FBXO40: variants seen among roughly 807,000 people sequenced by gnomAD.
The protein encoded by FBXO40 is F-box only protein 40.
FBXO40 carries 50 observed loss-of-function variants against 49.9 expected under a neutral mutation model. The ratio of observed to expected loss-of-function variants is 1.00; its 90% CI spans 0.80 to 1.27. The LOEUF (loss-of-function observed/expected upper bound fraction) is 1.27, where lower values mean the gene tolerates loss of function less well. Ranked by LOEUF, FBXO40 falls within the 50% of genes most tolerant of loss-of-function variation. FBXO40 has a pLI of 0.00. For missense variants in FBXO40, 895 were observed against 870.1 expected, an observed-to-expected ratio of 1.03 and a Z score of -0.36; for synonymous variants, 340 against 320.2, an observed-to-expected ratio of 1.06 and a Z score of -0.66.
At chr3:121,604,366 A>G (rs986724112) in intron 1 of FBXO40, among the ~76,000 whole-genome samples, 3 of 152,242 alleles carry the variant, frequency 2.0e-5, no homozygotes, top group Admixed American at 2.0e-4. Flanking sequence ...AGTACCATAC[A>G]TTGTGAATTA....
At chr3:121,616,668 A>G (rs1371004378) in intron 1 of FBXO40, among the ~76,000 whole-genome samples, 1 of 152,212 alleles carries the variant, frequency 6.6e-6, no homozygotes, top group Non-Finnish European at 1.5e-5. Flanking sequence ...CCTTATGCTC[A>G]CTTACTGGCA....
chr3:121,593,748 A>G (rs1197460835), intron 1 of FBXO40, among the ~76,000 whole-genome samples: 1 of 152,168 alleles, frequency 6.6e-6, no homozygotes, highest in Non-Finnish European at 1.5e-5. Flanking sequence ...TTCTTCTATA[A>G]TCAACAAGAG....
intron 1 of FBXO40, among the ~76,000 whole-genome samples, chr3:121,609,509 G>A (rs1354509812): frequency 6.6e-6 from 1 of 151,956 alleles, no homozygotes; most frequent in Non-Finnish European, 1.5e-5. Flanking sequence ...GAACTGTCCA[G>A]GTTAGTTGTG....
intron 1 of FBXO40, among the ~76,000 whole-genome samples, chr3:121,611,989 C>T (rs2048968766): frequency 6.6e-6 from 1 of 152,350 alleles, no homozygotes; most frequent in African/African-American, 2.4e-5. Context: ...AAATTAACAA[C>T]ATCTCAGCAA....
At chr3:121,608,101 G>A (rs988592079) in intron 1 of FBXO40, among the ~76,000 whole-genome samples, 28 of 152,182 alleles carry the variant, frequency 1.8e-4, no homozygotes, top group Admixed American at 1.0e-3. Context: ...GCCCATAAGC[G>A]TTAACTGGCT....
rs2049043589 is a variant in FBXO40 at position 121,623,111 on chromosome 3, A to G, written c.1682A>G (p.His561Arg). Reference sequence around the variant, plus strand: ...CTGAGCGAGGGAAGGAAGAACAACCATCTTTTGGGTCATGGAGGAAAAAGC... The same window carrying G: ...CTGAGCGAGGGAAGGAAGAACAACCGTCTTTTGGGTCATGGAGGAAAAAGC... Reference protein sequence around the residue: ...PELSEGRKNNHLLGHGGKSQN... With the variant: ...PELSEGRKNNRLLGHGGKSQN... Residue 561 changes from histidine to arginine, a missense_variant, in exon 3 of 4, where the codon CAT (histidine) becomes CGT (arginine). Physicochemically the swap from His to Arg is conservative, Grantham distance 29. Coordinates refer to ENST00000338040, the MANE Select transcript of FBXO40 (RefSeq NM_016298.4). 6.2e-7 allele frequency: 1 copy of G among 1,614,124 alleles called. No individual in the cohort carries two copies. The highest frequency in any genetic ancestry group is 1.3e-5 in the African/African-American group (1 of 74,938).
At chr3:121,610,078 G>A (rs1270757416) in intron 1 of FBXO40, among the ~76,000 whole-genome samples, 1 of 152,176 alleles carries the variant, frequency 6.6e-6, no homozygotes, top group Non-Finnish European at 1.5e-5. Flanking sequence ...CTCTTCCAGT[G>A]ACCAACCTTC....
At chr3:121,617,977 C>T (rs1230602761) in intron 1 of FBXO40, among the ~76,000 whole-genome samples, 1 of 151,888 alleles carries the variant, frequency 6.6e-6, no homozygotes, top group Non-Finnish European at 1.5e-5. Flanking sequence ...CCAGGCTGGG[C>T]AACAGAGCAA....
intron 1 of FBXO40, among the ~76,000 whole-genome samples, chr3:121,603,174 T>C (rs1443546021): frequency 6.6e-6 from 1 of 152,202 alleles, no homozygotes; most frequent in African/African-American, 2.4e-5. Flanking sequence ...GATGTCTTAA[T>C]TGTTGCCAGA....
intron 1 of FBXO40, among the ~76,000 whole-genome samples, chr3:121,598,099 C>A (rs1453313475): frequency 6.6e-6 from 1 of 152,140 alleles, no homozygotes. Flanking sequence ...GTGGAGGTAA[C>A]ATGTAAGCAG....
chr3:121,600,834 C>T (rs1447972040), intron 1 of FBXO40, among the ~76,000 whole-genome samples: 1 of 152,220 alleles, frequency 6.6e-6, no homozygotes. Flanking sequence ...TTTCATTTCT[C>T]TGCCTCCGTG....
At chr3:121,621,329 A>T in intron 2 of FBXO40, 104 bp from the exon 3 acceptor site, 1 of 950,456 alleles carries the variant, frequency 1.1e-6, no homozygotes, top group Non-Finnish European at 1.6e-6. Context: ...TACAAAAAGC[A>T]GGTATAAACA....
rs933105261 is a variant in FBXO40, at chr3:121,608,986, G to A, written c.-30-11560G>A. ...CTGCTATTCTCATTCCAATCAAAGCGTTTTAAATCTGTCCTTTATAGAACC... is the reference window on the plus strand; with the variant it reads ...CTGCTATTCTCATTCCAATCAAAGCATTTTAAATCTGTCCTTTATAGAACC... On this transcript the variant is annotated intron_variant, in intron 1 of 3. Transcript: ENST00000338040. 1.1e-4 allele frequency among the ~76,000 whole-genome samples: 16 copies of A among 152,274 alleles called. No individual in the cohort carries two copies. The South Asian group carries it at 1.2e-3, about 12-fold the overall frequency.
At chr3:121,604,776 C>T (rs770743640) in intron 1 of FBXO40, among the ~76,000 whole-genome samples, 14 of 152,052 alleles carry the variant, frequency 9.2e-5, no homozygotes, top group South Asian at 2.1e-4. Context: ...ATCTCACAGG[C>T]TGTTACTTAC....
At chr3:121,599,668 A>ATG (rs1441501242) in intron 1 of FBXO40, among the ~76,000 whole-genome samples, 3 of 133,312 alleles carry the variant, frequency 2.3e-5, no homozygotes, top group Non-Finnish European at 4.7e-5. Flanking sequence ...ACACACACAC[A>ATG]CACATGCACA....
At chr3:121,624,644 T>TC (rs1473400676) in intron 3 of FBXO40, among the ~76,000 whole-genome samples, 3 of 152,056 alleles carry the variant, frequency 2.0e-5, no homozygotes, top group African/African-American at 7.2e-5. Flanking sequence ...TCTCCTGGCT[T>TC]CCCCCCTGCA....
At chr3:121,612,103 A>G (rs1383752728) in intron 1 of FBXO40, among the ~76,000 whole-genome samples, 1 of 151,886 alleles carries the variant, frequency 6.6e-6, no homozygotes, top group African/African-American at 2.4e-5. Flanking sequence ...TTTCCCTACA[A>G]TATGTCAATG....
chr3:121,604,947 TTTATTTATTTATTTATTTATTTATTTA>T (rs1349877088), intron 1 of FBXO40, among the ~76,000 whole-genome samples: 5 of 145,374 alleles, frequency 3.4e-5, no homozygotes, highest in Non-Finnish European at 5.9e-5. Flanking sequence ...TATTTATTTA[TTTATTTATTTATTTATTTATTTATTTA>T]TTATTTATTT....
At chr3:121,595,588 A>G (rs2048867507) in intron 1 of FBXO40, among the ~76,000 whole-genome samples, 1 of 152,182 alleles carries the variant, frequency 6.6e-6, no homozygotes, top group South Asian at 2.1e-4. Context: ...GATCTGGGAG[A>G]GGGTGGTTCT....
Sources: allele counts gnomAD v4.1 joint callset (sites outside exome capture counted in the v4.1 genomes callset), GRCh38; gene constraint gnomAD v4.1.1; transcripts MANE v1.5; gene names NCBI Gene and HGNC (gene_info 2026-07-23, HGNC 2026-07-21).